The following CEMIP2 variants were observed in gnomAD, a reference collection of about 807,000 sequenced individuals.
CEMIP2 encodes the protein cell migration inducing hyaluronidase 2.
A neutral mutation model predicts 146.9 loss-of-function variants in CEMIP2; 79 were observed. That is an observed-to-expected ratio of 0.54 (90% CI 0.45 to 0.65). The LOEUF (loss-of-function observed/expected upper bound fraction) is 0.65. Ranked by LOEUF, CEMIP2 falls within the 30% of genes least tolerant of loss-of-function variation. The pLI is 0.00. For missense variants in CEMIP2, 1,596 were observed against 1,696.2 expected (o/e 0.94, Z 1.04); for synonymous variants, 601 against 606.3 (o/e 0.99, Z 0.13).
chr9:71,728,257 ACACG>A (rs1235784881), intron 10 of CEMIP2, among the ~76,000 whole-genome samples: 367 of 19,552 alleles, frequency 0.019, 53 homozygotes, highest in Non-Finnish European at 0.032. Flanking sequence ...ATATGTATAT[ACACG>A]TATATATATA....
intron 4 of CEMIP2, 76 bp downstream of exon 4, chr9:71,744,942 G>T: frequency 1.4e-6 from 2 of 1,471,798 alleles, no homozygotes; most frequent in Non-Finnish European, 1.8e-6. Flanking sequence ...TGTGGCTGTG[G>T]CTCCTTTCCC....
chr9:71,728,295 A>ATATACGTG lies in CEMIP2; in HGVS notation c.2049+1549_2049+1550insCACGTATA, dbSNP rs1823500302. ...TATATATATATGTATATATATATATATATATACATATATATATATATACGT... is the reference window on the plus strand; with the variant it reads ...TATATATATATGTATATATATATATATATACGTGTATATACATATATATATATATACGT... On this transcript the variant is annotated intron_variant, in intron 10 of 23. Coordinates refer to ENST00000377044, the MANE Select transcript of CEMIP2 (RefSeq NM_013390.3). 1.9e-4 allele frequency among the ~76,000 whole-genome samples: 8 copies of ATATACGTG among 43,236 alleles called. 2 individuals carry two copies. Among genetic ancestry groups the ATATACGTG allele is most frequent in the Non-Finnish European group, 3.0e-4 (7 of 23,230 alleles). The allele number at this position is 43,236 out of a possible 152,430, so 28.4% of individuals were successfully genotyped here.
intron 12 of CEMIP2, among the ~76,000 whole-genome samples, chr9:71,720,812 C>A (rs1823212637): frequency 6.6e-6 from 1 of 152,142 alleles, no homozygotes; most frequent in Non-Finnish European, 1.5e-5. Context: ...ATAATCAGTT[C>A]TTTTCAATAA....
At chr9:71,693,242 G>A (rs1822286352) in intron 21 of CEMIP2, among the ~76,000 whole-genome samples, 1 of 152,222 alleles carries the variant, frequency 6.6e-6, no homozygotes, top group Non-Finnish European at 1.5e-5. Context: ...GATGGCACAG[G>A]CCTTGGCTGA....
At chr9:71,715,625 G>GAGATATATATATAT (rs140408118) in intron 14 of CEMIP2, among the ~76,000 whole-genome samples, 20 of 119,068 alleles carry the variant, frequency 1.7e-4, no homozygotes, top group African/African-American at 5.4e-4. Context: ...TCCCTCTTAA[G>GAGATATATATATAT]ATATATATAT....
intron 7 of CEMIP2, among the ~76,000 whole-genome samples, chr9:71,731,288 C>T (rs1823609643): frequency 6.6e-6 from 1 of 152,166 alleles, no homozygotes; most frequent in Non-Finnish European, 1.5e-5. Flanking sequence ...CTAGATCCTC[C>T]CCAGTGTTTT....
intron 22 of CEMIP2, among the ~76,000 whole-genome samples, chr9:71,688,866 C>A (rs190451788): frequency 3.0e-4 from 46 of 152,268 alleles, no homozygotes; most frequent in Non-Finnish European, 6.2e-4. Flanking sequence ...GAAGTCACTG[C>A]CAGTTGCTCC....
intron 21 of CEMIP2, 113 bp from the exon 22 acceptor site, chr9:71,690,359 T>C (rs1822193414): frequency 3.1e-6 from 4 of 1,307,650 alleles, no homozygotes; most frequent in South Asian, 2.9e-5. Flanking sequence ...TCAAAGTATA[T>C]TTCCAAGATT....
At chr9:71,759,830 G>C (rs902743385) in intron 1 of CEMIP2, among the ~76,000 whole-genome samples, 2 of 127,992 alleles carry the variant, frequency 1.6e-5, no homozygotes, top group Non-Finnish European at 3.5e-5. Context: ...CGGGGAGGTG[G>C]GGGGGGGATG....
chr9:71,728,320 T>G (rs867972979), intron 10 of CEMIP2, among the ~76,000 whole-genome samples: 1 of 66,334 alleles, frequency 1.5e-5, no homozygotes. Flanking sequence ...TATATATACG[T>G]ATATATATAT....
Position 71,728,289 on chromosome 9 carries a change from A to ACG in CEMIP2, c.2049+1555_2049+1556insCG, listed in dbSNP as rs1394343440. Among the ~76,000 whole-genome samples, 143 of 31,092 alleles carry ACG rather than the reference A, an allele frequency of 4.6e-3. 18 individuals carry two copies. Among genetic ancestry groups the ACG allele is most frequent in the East Asian group, 6.5e-3 (5 of 774 alleles). 20.4% of individuals were successfully genotyped at this position (31,092 alleles called of 152,430 possible). On this transcript the variant is annotated intron_variant, in intron 10 of 23. Transcript: ENST00000377044. ...TATATATATATATATATGTATATAT[A>ACG]TATATATATATACATATATATATAT...
In CEMIP2 at chr9:71,712,207, C is replaced by CT; in HGVS notation, c.2644dup (p.Arg882LysfsTer13). The CT allele has an allele frequency of 2.5e-6, 4 of 1,614,094 alleles. No homozygotes were observed. Among genetic ancestry groups the CT allele is most frequent in the Non-Finnish European group, 3.4e-6 (4 of 1,179,996 alleles). ...TGGCACATATTTTTTGAAAGTGCTC[C>CT]TTGTGAGATGAATGGGCCCATCATA... On this transcript the variant is annotated frameshift_variant, in exon 16 of 24. Transcript: ENST00000377044. LOFTEE classifies it high-confidence loss of function.
chr9:71,698,471 C>T (rs945414778), intron 19 of CEMIP2, among the ~76,000 whole-genome samples: 7 of 152,074 alleles, frequency 4.6e-5, no homozygotes, highest in Admixed American at 1.3e-4. Context: ...TGAATTAGTT[C>T]GATAGGTAAT....
At chr9:71,736,690 T>C (rs1428719075) in intron 5 of CEMIP2, among the ~76,000 whole-genome samples, 1 of 152,212 alleles carries the variant, frequency 6.6e-6, no homozygotes, top group Non-Finnish European at 1.5e-5. Context: ...GTTTTCTGCT[T>C]CTTAACATTC....
chr9:71,730,019 A>C (rs775005324), intron 9 of CEMIP2, 29 bp downstream of exon 9: 1 of 1,613,792 alleles, frequency 6.2e-7, no homozygotes, highest in African/African-American at 1.3e-5. Context: ...GCCCTGACTC[A>C]TGGGTTTTTC....
chr9:71,735,850 T>C (rs1332673949), intron 5 of CEMIP2, among the ~76,000 whole-genome samples: 1 of 152,122 alleles, frequency 6.6e-6, no homozygotes, highest in African/African-American at 2.4e-5. Flanking sequence ...CTCAACACTT[T>C]GGGAGGCCGA....
chr9:71,743,862 T>C (rs936601763), intron 4 of CEMIP2, among the ~76,000 whole-genome samples: 1 of 152,220 alleles, frequency 6.6e-6, no homozygotes, highest in African/African-American at 2.4e-5. Context: ...CTGTAGGTAA[T>C]ACCCCATTCC....
chr9:71,694,608 CTAG>C lies in CEMIP2; in HGVS notation c.3598-4_3598-2del. ...TATGAGGATCACTAGTAAACACCAC[CTAG>C]ACAGAGAAGAAGTTCCATATTTATG... is the stretch of plus-strand genomic sequence containing the variant. On this transcript the variant is annotated splice_acceptor_variant and splice_polypyrimidine_tract_variant and intron_variant, in intron 20 of 23. Transcript: ENST00000377044. LOFTEE classifies it high-confidence loss of function. The C allele has an allele frequency of 6.2e-7, 1 of 1,605,578 alleles. No individual in the cohort carries two copies. Among genetic ancestry groups the C allele is most frequent in the Non-Finnish European group, 8.5e-7 (1 of 1,172,448 alleles).
intron 11 of CEMIP2, among the ~76,000 whole-genome samples, chr9:71,723,136 G>GAAAAAAAAAAAAAAAAAAAAAAAA (rs33948828): frequency 9.6e-6 from 1 of 104,230 alleles, no homozygotes; most frequent in Non-Finnish European, 1.8e-5. Context: ...AACAGCCAAA[G>GAAAAAAAAAAAAAAAAAAAAAAAA]AAAAAAAAAA....
Sources: allele counts gnomAD v4.1 joint callset (sites outside exome capture counted in the v4.1 genomes callset), GRCh38; gene constraint gnomAD v4.1.1; transcripts MANE v1.5; gene names NCBI Gene and HGNC (gene_info 2026-07-23, HGNC 2026-07-21).